NRG1: variants seen among roughly 807,000 people sequenced by gnomAD.
NRG1 encodes the protein neuregulin 1.
NRG1 carries 18 observed loss-of-function variants against 63.8 expected under a neutral mutation model. That is an observed-to-expected ratio of 0.28 (90% CI 0.19 to 0.42). NRG1 has a LOEUF of 0.42. NRG1 is among the 10% of genes least tolerant of loss of function. The pLI, the probability that NRG1 is intolerant of heterozygous loss-of-function variation, is 1.00. For synonymous variants in NRG1, 302 were observed against 301.3 expected (o/e 1.00, Z -0.02); for missense variants, 762 against 814.7 (o/e 0.94, Z 0.79).
rs549107625 is a variant in NRG1, at chr8:31,856,274, T to C, written c.37+216843T>C. Among the ~76,000 whole-genome samples, 1,077 of 152,336 alleles carry C rather than the reference T, an allele frequency of 7.1e-3. 48 individuals carry two copies. The highest frequency in any genetic ancestry group is 0.062 in the Admixed American group (944 of 15,288). ...CCAATCAGACATAGATTTGGTCTTT[T>C]CACATAGTCCCATATTTCTTGGAGG... On this transcript the variant is annotated intron_variant, in intron 1 of 10. Transcript: ENST00000519301.
intron 1 of NRG1, among the ~76,000 whole-genome samples, chr8:31,948,641 T>C (rs1324797848): frequency 6.6e-6 from 1 of 152,216 alleles, no homozygotes; most frequent in East Asian, 1.9e-4. Context: ...TCAGAGGTTA[T>C]CCTCTTTATC....
At chr8:32,341,980 G>A (rs1804139106) in intron 1 of NRG1, among the ~76,000 whole-genome samples, 1 of 152,016 alleles carries the variant, frequency 6.6e-6, no homozygotes, top group Admixed American at 6.6e-5. Context: ...ATATCAAAAA[G>A]GCTTGAAAGC....
chr8:32,179,060 A>G (rs755616520), intron 1 of NRG1, among the ~76,000 whole-genome samples: 4 of 151,946 alleles, frequency 2.6e-5, no homozygotes, highest in Middle Eastern at 3.2e-3. Context: ...ATGATTTCAG[A>G]CTCATTACTC....
intron 1 of NRG1, among the ~76,000 whole-genome samples, chr8:32,407,281 A>G (rs1163612768): frequency 6.6e-5 from 3 of 45,572 alleles, no homozygotes; most frequent in Non-Finnish European, 1.4e-4. Flanking sequence ...TATATTATAT[A>G]TATATATATA....
intron 1 of NRG1, among the ~76,000 whole-genome samples, chr8:32,463,652 G>A (rs1179416770): frequency 6.6e-6 from 1 of 151,776 alleles, no homozygotes; most frequent in Non-Finnish European, 1.5e-5. Context: ...GACCAGCCAG[G>A]GCAACATAGT....
At chr8:31,830,351 TTCCTTCCTTCCC>T (rs797001440) in intron 1 of NRG1, among the ~76,000 whole-genome samples, 11,693 of 103,486 alleles carry the variant, frequency 0.11, 623 homozygotes, top group East Asian at 0.43. Flanking sequence ...CCTTCCTTCC[TTCCTTCCTTCCC>T]TCCTTCCCTC....
chr8:32,316,810 AT>A (rs1857452175), intron 1 of NRG1, among the ~76,000 whole-genome samples: 1 of 143,986 alleles, frequency 6.9e-6, no homozygotes, highest in Non-Finnish European at 1.5e-5. Context: ...AAAAAATAAA[AT>A]AAAATAAAAT....
At chr8:32,141,361 A>G (rs1216235145) in intron 1 of NRG1, among the ~76,000 whole-genome samples, 3 of 151,930 alleles carry the variant, frequency 2.0e-5, no homozygotes, top group African/African-American at 7.3e-5. Flanking sequence ...AAATATTAGT[A>G]GGTTAGTTAG....
At chr8:32,509,690 A>G (rs1232970268) in intron 1 of NRG1, among the ~76,000 whole-genome samples, 1 of 152,172 alleles carries the variant, frequency 6.6e-6, no homozygotes, top group Admixed American at 6.5e-5. Context: ...GGCTTCATTG[A>G]GGAGGATGAC....
At chr8:31,810,306 G>A (rs183034133) in intron 1 of NRG1, among the ~76,000 whole-genome samples, 2 of 152,152 alleles carry the variant, frequency 1.3e-5, no homozygotes, top group Admixed American at 1.3e-4. Flanking sequence ...AGCGGCCTCA[G>A]AGAAATGTAA....
intron 1 of NRG1, among the ~76,000 whole-genome samples, chr8:31,800,278 TG>T (rs1224272643): frequency 6.6e-6 from 1 of 152,076 alleles, no homozygotes; most frequent in Admixed American, 6.6e-5. Context: ...ATAGAGCAGG[TG>T]GTGGGGCGAG....
At chr8:31,685,420 A>G (rs1162725862) in intron 1 of NRG1, among the ~76,000 whole-genome samples, 1 of 152,180 alleles carries the variant, frequency 6.6e-6, no homozygotes, top group Non-Finnish European at 1.5e-5. Flanking sequence ...TTAATTAGGG[A>G]TTTATACTTT....
At chr8:31,983,957 A>G (rs1396083726) in intron 1 of NRG1, among the ~76,000 whole-genome samples, 1 of 152,076 alleles carries the variant, frequency 6.6e-6, no homozygotes, top group Non-Finnish European at 1.5e-5. Flanking sequence ...AGACAAGGTA[A>G]ATCACCTTTT....
At chr8:32,072,304 A>T (rs1475371175) in intron 1 of NRG1, among the ~76,000 whole-genome samples, 3 of 151,476 alleles carry the variant, frequency 2.0e-5, no homozygotes, top group African/African-American at 4.8e-5. Context: ...AAAAAGTAAG[A>T]AAAAGAGGCC....
At chr8:31,737,491 T>C (rs1391250789) in intron 1 of NRG1, among the ~76,000 whole-genome samples, 1 of 152,132 alleles carries the variant, frequency 6.6e-6, no homozygotes, top group East Asian at 1.9e-4. Flanking sequence ...TGTTGACTTA[T>C]TGAACAGATA....
At chr8:32,672,956 T>A (rs1806097975) in intron 5 of NRG1, among the ~76,000 whole-genome samples, 1 of 152,242 alleles carries the variant, frequency 6.6e-6, no homozygotes, top group Non-Finnish European at 1.5e-5. Flanking sequence ...AACAATGAAG[T>A]AATCATTTCT....
intron 1 of NRG1, among the ~76,000 whole-genome samples, chr8:31,680,003 A>G (rs558735301): frequency 6.1e-4 from 93 of 152,126 alleles, no homozygotes; most frequent in Admixed American, 9.8e-4. Flanking sequence ...AAAACAGGAA[A>G]AGACCTGTGT....
intron 7 of NRG1, among the ~76,000 whole-genome samples, chr8:32,751,950 A>G (rs576793562): frequency 6.6e-6 from 1 of 152,304 alleles, no homozygotes; most frequent in East Asian, 1.9e-4. Flanking sequence ...GCCCTTGTCC[A>G]TGTCCCCATT....
chr8:31,680,838 A>C (rs1324438962), intron 1 of NRG1, among the ~76,000 whole-genome samples: 1 of 152,132 alleles, frequency 6.6e-6, no homozygotes, highest in Non-Finnish European at 1.5e-5. Flanking sequence ...AAATTCCTGC[A>C]CCTTTTTACT....
Sources: gnomAD v4.1 joint callset for allele counts (sites outside exome capture counted in the v4.1 genomes callset) on GRCh38, gnomAD v4.1.1 for gene constraint, MANE v1.5 for transcripts, NCBI Gene and HGNC (gene_info 2026-07-23, HGNC 2026-07-21) for gene names.